CCDC192: variants seen among roughly 807,000 people sequenced by gnomAD.
CCDC192 encodes coiled-coil domain-containing protein 192.
intron 2 of CCDC192, among the ~76,000 whole-genome samples, chr5:127,717,979 A>G (rs963673920): frequency 1.1e-4 from 16 of 151,878 alleles, no homozygotes; most frequent in Middle Eastern, 3.4e-3. Flanking sequence ...AAAAAAACAC[A>G]GAATTAAATC....
intron 6 of CCDC192, among the ~76,000 whole-genome samples, chr5:127,920,999 T>A (rs985071271): frequency 2.7e-5 from 4 of 150,578 alleles, no homozygotes; most frequent in African/African-American, 9.8e-5. Context: ...CTTGTACCAC[T>A]ACACTCCAGC....
chr5:127,787,350 C>T (rs1288564349), intron 3 of CCDC192, among the ~76,000 whole-genome samples: 1 of 152,176 alleles, frequency 6.6e-6, no homozygotes, highest in Non-Finnish European at 1.5e-5. Context: ...GACATGGCAC[C>T]TACCTCCTCC....
chr5:127,770,597 T>C (rs1446894045), intron 3 of CCDC192, among the ~76,000 whole-genome samples: 2 of 152,236 alleles, frequency 1.3e-5, no homozygotes, highest in Admixed American at 6.5e-5. Flanking sequence ...TGTTTTTCTG[T>C]ATATTGGGCA....
chr5:127,834,930 G>A (rs181435846), intron 5 of CCDC192, among the ~76,000 whole-genome samples: 1 of 152,276 alleles, frequency 6.6e-6, no homozygotes, highest in East Asian at 1.9e-4. Flanking sequence ...GCAGAGAAAA[G>A]CAGATTTTTA....
At chr5:127,868,374 A>G (rs576839218) in intron 5 of CCDC192, among the ~76,000 whole-genome samples, 58 of 152,274 alleles carry the variant, frequency 3.8e-4, no homozygotes, top group African/African-American at 1.4e-3. Context: ...ATATTAATGA[A>G]TTTGGTAAAT....
chr5:127,734,774 G>C (rs946358695), intron 2 of CCDC192, among the ~76,000 whole-genome samples: 49 of 150,770 alleles, frequency 3.2e-4, no homozygotes, highest in Non-Finnish European at 1.5e-4. Flanking sequence ...TGATGGGGTT[G>C]TTTGTTTTTT....
At chr5:127,790,139 A>G (rs1248794906) in intron 3 of CCDC192, among the ~76,000 whole-genome samples, 1 of 152,214 alleles carries the variant, frequency 6.6e-6, no homozygotes, top group Non-Finnish European at 1.5e-5. Flanking sequence ...AGAGTATCAA[A>G]CCAAAAAGGA....
At chr5:127,881,913 A>G (rs1752369440) in intron 6 of CCDC192, among the ~76,000 whole-genome samples, 1 of 152,220 alleles carries the variant, frequency 6.6e-6, no homozygotes, top group African/African-American at 2.4e-5. Flanking sequence ...TTCAGTATGC[A>G]GGAACCTAAG....
chr5:127,709,268 C>G (rs900889262), intron 2 of CCDC192, among the ~76,000 whole-genome samples: 1 of 144,318 alleles, frequency 6.9e-6, no homozygotes, highest in Non-Finnish European at 1.5e-5. Context: ...CACTTTTTAG[C>G]AACCAAATCT....
intron 5 of CCDC192, among the ~76,000 whole-genome samples, chr5:127,865,439 A>AT (rs1751569290): frequency 6.6e-6 from 1 of 151,758 alleles, no homozygotes. Context: ...GACTATTGCT[A>AT]TTTTTTCCAT....
chr5:127,727,857 A>C (rs533435324), intron 2 of CCDC192, among the ~76,000 whole-genome samples: 1 of 151,516 alleles, frequency 6.6e-6, no homozygotes, highest in Admixed American at 6.5e-5. Flanking sequence ...AAATGACCTG[A>C]TGGAGCTGAA....
intron 6 of CCDC192, chr5:127,940,895 C>T (rs1754381259): frequency 3.7e-6 from 1 of 267,246 alleles, no homozygotes; most frequent in Non-Finnish European, 6.9e-6. Flanking sequence ...TGAATTATTC[C>T]CATGGTTAAC....
intron 5 of CCDC192, among the ~76,000 whole-genome samples, chr5:127,806,195 G>A (rs1757771599): frequency 6.6e-6 from 1 of 152,162 alleles, no homozygotes; most frequent in African/African-American, 2.4e-5. Flanking sequence ...TGCTCTAGAA[G>A]CCACTAATTA....
At position 127,800,399 on chromosome 5, in the gene CCDC192, A is replaced by C. The variant is rs1258549605; in HGVS notation, c.411+2237A>C. On this transcript the variant is annotated intron_variant, in intron 5 of 6. Coordinates refer to ENST00000514853, the MANE Select transcript of CCDC192 (RefSeq NM_001317938.2). ...CTGAAAAAAAAAAAAAAAAAAAAAA[A>C]AACAACAACAACAAAAAGTAGGAAG... is the stretch of plus-strand genomic sequence containing the variant. Among the ~76,000 whole-genome samples the C allele has an allele frequency of 5.5e-4, 60 of 109,286 alleles. 1 individual carries two copies. Among genetic ancestry groups the C allele is most frequent in the African/African-American group, 1.3e-3 (37 of 28,622 alleles). 71.7% of individuals were successfully genotyped at this position (109,286 alleles called of 152,430 possible).
chr5:127,852,808 T>C (rs1015765275), intron 5 of CCDC192, among the ~76,000 whole-genome samples: 1 of 152,114 alleles, frequency 6.6e-6, no homozygotes, highest in African/African-American at 2.4e-5. Context: ...AATGCTGCTA[T>C]CCCTGGCCGG....
intron 5 of CCDC192, among the ~76,000 whole-genome samples, chr5:127,854,417 T>C (rs1355292770): frequency 6.6e-6 from 1 of 152,218 alleles, no homozygotes; most frequent in African/African-American, 2.4e-5. Context: ...CACAGTCACA[T>C]AATTTTTATT....
At chr5:127,742,380 A>G (rs921013638) in intron 2 of CCDC192, among the ~76,000 whole-genome samples, 3 of 152,120 alleles carry the variant, frequency 2.0e-5, no homozygotes, top group African/African-American at 7.2e-5. Flanking sequence ...ACAAGTAGTT[A>G]AATCTTTCAC....
chr5:127,764,710 C>T (rs1755121343), intron 3 of CCDC192, among the ~76,000 whole-genome samples: 1 of 151,854 alleles, frequency 6.6e-6, no homozygotes, highest in East Asian at 1.9e-4. Context: ...TTGTAAAATA[C>T]ATTAACACTA....
chr5:127,882,824 G>A (rs1466918754), intron 6 of CCDC192, among the ~76,000 whole-genome samples: 1 of 152,210 alleles, frequency 6.6e-6, no homozygotes, highest in Admixed American at 6.5e-5. Context: ...CCACTTGGGT[G>A]TAGGTCTGTT....
Sources: allele counts gnomAD v4.1 joint callset (sites outside exome capture counted in the v4.1 genomes callset), GRCh38; gene constraint gnomAD v4.1.1; transcripts MANE v1.5; gene names NCBI Gene and HGNC (gene_info 2026-07-23, HGNC 2026-07-21).